Variants in OSBP2 observed in about 807,000 individuals in gnomAD.
OSBP2 encodes oxysterol binding protein 2, also known as oxysterol-binding protein 2.
A neutral mutation model predicts 96.0 loss-of-function variants in OSBP2; 66 were observed. That is an observed-to-expected ratio of 0.69 (90% CI 0.56 to 0.84). OSBP2 has a LOEUF of 0.84. Ranked by LOEUF, OSBP2 falls within the 40% of genes least tolerant of loss-of-function variation. OSBP2 has a pLI of 0.00. For missense variants in OSBP2, 1,038 were observed against 1,222.7 expected (o/e 0.85, Z 2.25); for synonymous variants, 525 against 520.9 (o/e 1.01, Z -0.11).
Position 30,859,006 on chromosome 22 carries a change from C to T in OSBP2, c.854-11423C>T, listed in dbSNP as rs147820417. On this transcript the variant is annotated intron_variant, in intron 2 of 13. Transcript: ENST00000332585. ...CACGCACCCAGCTCCAGGCTGTGAG[C>T]GTCAACCAGGCAGATGCAGCCCCTA... Among the ~76,000 whole-genome samples, 42 of 152,128 alleles carry T rather than the reference C, an allele frequency of 2.8e-4. 2 individuals are homozygous for T. The highest frequency in any genetic ancestry group is 8.9e-4 in the African/African-American group (37 of 41,490).
At chr22:30,772,907 C>T (rs982640129) in intron 2 of OSBP2, among the ~76,000 whole-genome samples, 2 of 151,798 alleles carry the variant, frequency 1.3e-5, no homozygotes, top group African/African-American at 4.8e-5. Flanking sequence ...ATTCTCCTGC[C>T]TCAGCCTTCC....
At chr22:30,781,515 A>G (rs1290647263) in intron 2 of OSBP2, among the ~76,000 whole-genome samples, 1 of 152,142 alleles carries the variant, frequency 6.6e-6, no homozygotes, top group African/African-American at 2.4e-5. Flanking sequence ...ACGCAGGAAC[A>G]CCAGCTTGAG....
chr22:30,799,940 A>G (rs1297493774), intron 2 of OSBP2, among the ~76,000 whole-genome samples: 2 of 152,198 alleles, frequency 1.3e-5, no homozygotes, highest in African/African-American at 4.8e-5. Flanking sequence ...ACAGCAAGGA[A>G]CTTGATCTTT....
chr22:30,876,255 G>A (rs896553657), intron 3 of OSBP2, among the ~76,000 whole-genome samples: 6 of 152,204 alleles, frequency 3.9e-5, no homozygotes, highest in Non-Finnish European at 5.9e-5. Context: ...GACCTGCACC[G>A]GTTTGGCTCT....
intron 2 of OSBP2, among the ~76,000 whole-genome samples, chr22:30,852,888 T>G (rs1226513366): frequency 6.6e-6 from 1 of 152,248 alleles, no homozygotes; most frequent in Non-Finnish European, 1.5e-5. Context: ...CCATTGGCTA[T>G]TGAAAAGTGT....
intron 2 of OSBP2, among the ~76,000 whole-genome samples, chr22:30,769,416 A>T (rs1312313953): frequency 6.6e-6 from 1 of 152,200 alleles, no homozygotes; most frequent in Admixed American, 6.5e-5. Flanking sequence ...TTCGGAGGCT[A>T]AGAAGAGCAG....
intron 2 of OSBP2, among the ~76,000 whole-genome samples, chr22:30,856,475 C>A (rs540905119): frequency 6.7e-6 from 1 of 150,178 alleles, no homozygotes; most frequent in Admixed American, 6.7e-5. Context: ...AAACCTCTAC[C>A]TCCCAGATTC....
upstream of OSBP2, chr22:30,694,278 G>A (rs939909254): frequency 1.3e-6 from 2 of 1,549,764 alleles, no homozygotes; most frequent in African/African-American, 2.7e-5. Context: ...GGCTCAGGAG[G>A]TGGAGGCGGT....
chr22:30,881,297 G>C lies in OSBP2; in HGVS notation c.1108-6129G>C, dbSNP rs1349420060. ...CAACCTGACAGGTCACAGAATCAGG[G>C]ACTCTGTAGGAGCCCAGGAGGGCGC... On this transcript the variant is annotated intron_variant, in intron 3 of 13. Transcript: ENST00000332585. This position sits in a 1 kb window ranked among gnomAD's most constrained non-coding sequence, Gnocchi z 4.5. Among the ~76,000 whole-genome samples, 3 of 152,160 alleles carry C rather than the reference G, an allele frequency of 2.0e-5. No homozygotes were observed. The highest frequency in any genetic ancestry group is 7.2e-5 in the African/African-American group (3 of 41,424).
chr22:30,803,205 G>T, intron 2 of OSBP2: 1 of 157,248 alleles, frequency 6.4e-6, no homozygotes, highest in South Asian at 1.5e-4. Context: ...GAAGAGGGAT[G>T]GGGTGGACGG....
At position 30,870,907 on chromosome 22, in the gene OSBP2, C is replaced by T. The variant is rs1021085434; in HGVS notation, c.1107+225C>T. Among the ~76,000 whole-genome samples the T allele has an allele frequency of 2.0e-5, 3 of 152,218 alleles. No homozygotes were observed. The highest frequency in any genetic ancestry group is 4.4e-5 in the Non-Finnish European group (3 of 68,040). On this transcript the variant is annotated intron_variant, in intron 3 of 13. Transcript: ENST00000332585. The surrounding 1 kb of genome is among the most constrained non-coding windows in gnomAD (Gnocchi z 4.1). Reference sequence around the variant, plus strand: ...ATTCTTCCTAATTGTCTGGAGGAAACGAGTTGGTTGTGGACTCTGGTGCAG... The same window carrying T: ...ATTCTTCCTAATTGTCTGGAGGAAATGAGTTGGTTGTGGACTCTGGTGCAG...
chr22:30,809,712 T>C (rs559125144), intron 2 of OSBP2, among the ~76,000 whole-genome samples: 1 of 152,256 alleles, frequency 6.6e-6, no homozygotes, highest in East Asian at 1.9e-4. Context: ...AGATGGTAAT[T>C]TCAGTAAATT....
At chr22:30,694,829 C>A, upstream of OSBP2, 2 of 585,924 alleles carry the variant, frequency 3.4e-6, no homozygotes, top group Non-Finnish European at 4.3e-6. Context: ...GCCGCGCGCA[C>A]GTGACTGCGC....
In OSBP2 at chr22:30,706,118, C is replaced by T. The variant is rs114822772; in HGVS notation, c.644+10565C>T. On this transcript the variant is annotated intron_variant, in intron 1 of 13. Coordinates refer to ENST00000332585, the MANE Select transcript of OSBP2 (RefSeq NM_030758.4). The stretch of plus-strand genomic sequence containing the variant: ...CCTGGATGACTGCTGGATGCTGACA[C>T]GTGGAGAGAGGAGATGGTAAGAAAC... Among the ~76,000 whole-genome samples the T allele has an allele frequency of 6.5e-3, 983 of 152,184 alleles. 11 individuals carry two copies. Among genetic ancestry groups the T allele is most frequent in the African/African-American group, 0.022 (930 of 41,526 alleles).
intron 12 of OSBP2, chr22:30,902,151 A>AAAAAAAAAC: frequency 2.2e-6 from 1 of 446,618 alleles, no homozygotes; most frequent in East Asian, 3.7e-5. Flanking sequence ...AAAAAAAAAA[A>AAAAAAAAAC]ACAGAGGGTC....
chr22:30,821,240 C>G (rs2038265089), intron 2 of OSBP2, among the ~76,000 whole-genome samples: 1 of 152,140 alleles, frequency 6.6e-6, no homozygotes, highest in South Asian at 2.1e-4. Context: ...GGGAGAGTGT[C>G]AGCGTCTGAC....
chr22:30,839,870 G>A (rs1054231514), intron 2 of OSBP2, among the ~76,000 whole-genome samples: 10 of 152,018 alleles, frequency 6.6e-5, no homozygotes, highest in Non-Finnish European at 1.3e-4. Context: ...GTCAATTTTG[G>A]CTTTTGTTGC....
chr22:30,702,142 C>T (rs2089173774), intron 1 of OSBP2, among the ~76,000 whole-genome samples: 1 of 152,178 alleles, frequency 6.6e-6, no homozygotes, highest in Non-Finnish European at 1.5e-5. Context: ...CCAAGTCCTG[C>T]CTGTATATCT....
intron 2 of OSBP2, among the ~76,000 whole-genome samples, chr22:30,868,875 C>T (rs1194391724): frequency 1.3e-5 from 2 of 152,216 alleles, no homozygotes; most frequent in Admixed American, 6.5e-5. Context: ...TGGGAAGAAA[C>T]GTTCTCTCAC....
Sources: gnomAD v4.1 joint callset for allele counts (sites outside exome capture counted in the v4.1 genomes callset) on GRCh38, gnomAD v4.1.1 for gene constraint, Gnocchi (gnomAD v3.1) non-coding constraint, MANE v1.5 for transcripts, NCBI Gene and HGNC (gene_info 2026-07-23, HGNC 2026-07-21) for gene names.